KLRG1: variants seen among roughly 807,000 people sequenced by gnomAD.
The protein encoded by KLRG1 is killer cell lectin-like receptor subfamily G member 1.
In KLRG1, 16 loss-of-function variants were observed where a neutral mutation model predicts 21.8. That is an observed-to-expected ratio of 0.73 (90% CI 0.50 to 1.11). The LOEUF is 1.11. KLRG1 is among the 50% of genes most tolerant of loss of function. The probability of loss-of-function intolerance (pLI) is 0.00; values close to 1 mark genes in which losing one functional copy is unlikely to be tolerated. For missense variants in KLRG1, 173 were observed against 218.3 expected, an observed-to-expected ratio of 0.79 and a Z score of 1.31; for synonymous variants, 69 against 75.9, an observed-to-expected ratio of 0.91 and a Z score of 0.47.
At chr12:9,077,546 C>A in the KLRG1 span, 1 of 1,459,996 alleles carries the variant, frequency 6.8e-7, no homozygotes, top group South Asian at 1.2e-5. Context: ...CAAAGTATCA[C>A]AATCAACTTT....
intron 1 of KLRG1, among the ~76,000 whole-genome samples, chr12:8,965,474 G>A (rs1175876161): frequency 6.6e-6 from 1 of 152,150 alleles, no homozygotes; most frequent in Non-Finnish European, 1.5e-5. Context: ...AAGCTGATAA[G>A]CAACTTCAGC....
chr12:9,074,168 G>C, the KLRG1 span, among the ~76,000 whole-genome samples: 1 of 151,686 alleles, frequency 6.6e-6, no homozygotes, highest in Non-Finnish European at 1.5e-5. Flanking sequence ...GGGGACCTAA[G>C]AATGGAGAGA....
chr12:9,059,880 A>G, the KLRG1 span, among the ~76,000 whole-genome samples: 12 of 150,978 alleles, frequency 7.9e-5, 1 homozygote, highest in African/African-American at 2.9e-4. Flanking sequence ...AGGTTTTGCC[A>G]TGTTTCCTGG....
At chr12:9,150,651 A>G in the KLRG1 span, 3 of 1,597,290 alleles carry the variant, frequency 1.9e-6, no homozygotes, top group Non-Finnish European at 2.6e-6. Flanking sequence ...CACCTGTCTC[A>G]TAGTAATCAT....
the KLRG1 span, among the ~76,000 whole-genome samples, chr12:9,214,965 G>T: frequency 6.6e-6 from 1 of 151,616 alleles, no homozygotes. Context: ...GAGTTGTAGG[G>T]GTTCCTTATA....
the KLRG1 span, among the ~76,000 whole-genome samples, chr12:9,197,394 A>G: frequency 1.4e-5 from 2 of 141,936 alleles, no homozygotes; most frequent in African/African-American, 5.2e-5. Context: ...ATAATATTAT[A>G]ATTATTATAT....
At chr12:9,045,678 AAGAG>A in the KLRG1 span, among the ~76,000 whole-genome samples, 1 of 152,212 alleles carries the variant, frequency 6.6e-6, no homozygotes. Flanking sequence ...AACTCTAAGA[AAGAG>A]AAAGAAAGAA....
At chr12:9,208,510 C>CCTG in the KLRG1 span, 1 of 571,292 alleles carries the variant, frequency 1.8e-6, no homozygotes, top group Non-Finnish European at 3.1e-6. Context: ...AGGGTCATTA[C>CCTG]TCTCAGTGGT....
At chr12:9,072,520 C>T in the KLRG1 span, 2 of 1,601,630 alleles carry the variant, frequency 1.2e-6, no homozygotes, top group South Asian at 1.1e-5. Flanking sequence ...CAGTTTTTTG[C>T]CCTTTCCCAG....
chr12:9,003,640 T>G (rs1050732432), intron 3 of KLRG1, among the ~76,000 whole-genome samples: 1 of 152,022 alleles, frequency 6.6e-6, no homozygotes, highest in East Asian at 1.9e-4. Context: ...CACAGTTAAG[T>G]GCTCCACAGA....
At chr12:9,000,508 C>T (rs1947273911) in intron 3 of KLRG1, among the ~76,000 whole-genome samples, 1 of 152,184 alleles carries the variant, frequency 6.6e-6, no homozygotes, top group Non-Finnish European at 1.5e-5. Flanking sequence ...TCACTACCAT[C>T]ATCTCCAGAA....
the KLRG1 span, chr12:9,165,188 A>G: frequency 0.31 from 494,183 of 1,602,598 alleles, 80,844 homozygotes; most frequent in East Asian, 0.51. Flanking sequence ...GAGTGTGAAG[A>G]CCTCTCCACG....
At chr12:9,171,480 G>A in the KLRG1 span, among the ~76,000 whole-genome samples, 1 of 152,220 alleles carries the variant, frequency 6.6e-6, no homozygotes, top group Non-Finnish European at 1.5e-5. Flanking sequence ...CACCTCACCA[G>A]CAAGGGCACA....
At chr12:9,060,152 C>T in the KLRG1 span, among the ~76,000 whole-genome samples, 1 of 151,710 alleles carries the variant, frequency 6.6e-6, no homozygotes, top group African/African-American at 2.4e-5. Flanking sequence ...CTACAGGTGC[C>T]CGCCACCACA....
At chr12:9,077,801 T>A in the KLRG1 span, 1 of 1,614,150 alleles carries the variant, frequency 6.2e-7, no homozygotes, top group Admixed American at 1.7e-5. Flanking sequence ...GTGTGCTTCA[T>A]CGATGAAGAT....
At chr12:9,028,632 C>T in the KLRG1 span, 23 of 375,874 alleles carry the variant, frequency 6.1e-5, no homozygotes, top group East Asian at 9.1e-4. Context: ...TTAGTAGAGA[C>T]GGGATTTCAC....
chr12:8,986,487 A>G (rs1404482812), upstream of KLRG1, among the ~76,000 whole-genome samples: 1 of 152,110 alleles, frequency 6.6e-6, no homozygotes, highest in Non-Finnish European at 1.5e-5. Context: ...CCCTTGTGTT[A>G]TAATTCAACA....
chr12:9,112,482 C>T, the KLRG1 span: 1 of 1,613,812 alleles, frequency 6.2e-7, no homozygotes, highest in Non-Finnish European at 8.5e-7. Flanking sequence ...TGGGTTGGTC[C>T]TTTCACTTGG....
chr12:9,193,025 TAACTC>T, the KLRG1 span, among the ~76,000 whole-genome samples: 9 of 152,306 alleles, frequency 5.9e-5, no homozygotes, highest in East Asian at 1.7e-3. Context: ...GAATGATAAA[TAACTC>T]AAACAAGTGG....
Sources: gnomAD v4.1 joint callset for allele counts (sites outside exome capture counted in the v4.1 genomes callset) on GRCh38, gnomAD v4.1.1 for gene constraint, MANE v1.5 for transcripts, NCBI Gene and HGNC (gene_info 2026-07-23, HGNC 2026-07-21) for gene names.